The following TRPM1 variants were observed in gnomAD, a reference collection of about 807,000 sequenced individuals.
The protein encoded by TRPM1 is transient receptor potential cation channel subfamily M member 1.
A neutral mutation model predicts 149.4 loss-of-function variants in TRPM1; 113 were observed. That is an observed-to-expected ratio of 0.76 (90% CI 0.65 to 0.88). The LOEUF (loss-of-function observed/expected upper bound fraction) is 0.88. Among genes scored for constraint, TRPM1 ranks in the 40% least tolerant of loss-of-function variants. The pLI, the probability that TRPM1 is intolerant of heterozygous loss-of-function variation, is 0.00. For missense variants in TRPM1, 1,976 were observed against 2,038.7 expected, an observed-to-expected ratio of 0.97 and a Z score of 0.59; for synonymous variants, 741 against 759.5, an observed-to-expected ratio of 0.98 and a Z score of 0.40.
intron 1 of TRPM1, among the ~76,000 whole-genome samples, chr15:31,143,807 A>C (rs1005062670): frequency 6.6e-6 from 1 of 152,204 alleles, no homozygotes. Context: ...TTTGTAAACA[A>C]AAATTAGAAC....
Position 31,067,204 on chromosome 15 carries a change from G to T in TRPM1, c.494-17C>A, listed in dbSNP as rs2034402345. On this transcript the variant is annotated splice_polypyrimidine_tract_variant and intron_variant, in intron 5 of 27. Transcript: ENST00000256552. ...TGATAACACCTGTGAGCAGCCATTG[G>T]TCATATTTTAGGCTCTTTTACTTCC... 1 of 1,613,998 alleles carries T rather than the reference G, an allele frequency of 6.2e-7. No homozygotes were observed. The highest frequency in any genetic ancestry group is 8.5e-7 in the Non-Finnish European group (1 of 1,180,020).
intron 1 of TRPM1, among the ~76,000 whole-genome samples, chr15:31,154,385 T>C (rs1270215253): frequency 6.6e-6 from 1 of 152,104 alleles, no homozygotes; most frequent in Admixed American, 6.6e-5. Context: ...CAGAGGAGGT[T>C]TTCTGGGTCT....
chr15:31,039,981 A>G, intron 18 of TRPM1, 137 bp downstream of exon 18: 1 of 770,794 alleles, frequency 1.3e-6, no homozygotes, highest in Non-Finnish European at 2.2e-6. Context: ...CTATAAGACA[A>G]TGATTGTCAT....
chr15:31,074,000 T>C (rs2034626481), intron 3 of TRPM1, among the ~76,000 whole-genome samples: 2 of 152,246 alleles, frequency 1.3e-5, no homozygotes, highest in South Asian at 4.1e-4. Context: ...CTATATTACA[T>C]TATTTATTTT....
chr15:31,055,743 G>T (rs556452445), intron 11 of TRPM1, among the ~76,000 whole-genome samples: 22 of 152,266 alleles, frequency 1.4e-4, no homozygotes, highest in African/African-American at 5.3e-4. Context: ...GGAATTCCTG[G>T]GCAGTCCTCC....
At chr15:31,044,320 A>G (rs561383433) in intron 16 of TRPM1, among the ~76,000 whole-genome samples, 16 of 152,342 alleles carry the variant, frequency 1.1e-4, no homozygotes, top group Middle Eastern at 3.4e-3. Context: ...GAACAATGCA[A>G]TAACAGTAGG....
chr15:31,075,822 C>T (rs2034672583), intron 3 of TRPM1, among the ~76,000 whole-genome samples: 1 of 151,890 alleles, frequency 6.6e-6, no homozygotes, highest in Middle Eastern at 3.5e-3. Flanking sequence ...TATTCCTTTA[C>T]TTGCTGTTTG....
intron 1 of TRPM1, among the ~76,000 whole-genome samples, chr15:31,088,685 C>T (rs368222752): frequency 4.6e-5 from 7 of 152,144 alleles, no homozygotes; most frequent in Non-Finnish European, 8.8e-5. Flanking sequence ...TCATACTAAG[C>T]CTTTTTGGGA....
At chr15:31,150,488 G>A (rs564854579) in intron 1 of TRPM1, among the ~76,000 whole-genome samples, 7 of 140,818 alleles carry the variant, frequency 5.0e-5, no homozygotes, top group South Asian at 2.2e-4. Flanking sequence ...CCAGGCTGGC[G>A]TGCAGTAGTG....
chr15:31,015,212 G>A lies in TRPM1; in HGVS notation c.3629+10927C>T, dbSNP rs189727814. Among the ~76,000 whole-genome samples, 562 of 151,948 alleles carry A rather than the reference G, an allele frequency of 3.7e-3. 11 individuals are homozygous for A. Among genetic ancestry groups the A allele is most frequent in the Admixed American group, 0.032 (493 of 15,260 alleles). Reference sequence around the variant, plus strand: ...ACCTGAGGTCAGGAGTTCCAGACCAGTCTGAACAACGTGGCAAAACCCCAT... The same window carrying A: ...ACCTGAGGTCAGGAGTTCCAGACCAATCTGAACAACGTGGCAAAACCCCAT... On this transcript the variant is annotated intron_variant, in intron 27 of 27. Transcript: ENST00000256552.
intron 2 of TRPM1, among the ~76,000 whole-genome samples, chr15:31,078,386 G>A (rs190705472): frequency 6.6e-6 from 1 of 152,280 alleles, no homozygotes; most frequent in Non-Finnish European, 1.5e-5. Context: ...TGCGGACTAG[G>A]GCGTGCAAGT....
rs1175813409 is a variant in TRPM1, at chr15:31,047,876, A to G, written c.1623+13T>C. ...GATGCCAACAGGTAAGAATTGTAAA[A>G]CAGTAGACTGACCTTTTTCACATCC... On this transcript the variant is annotated intron_variant, in intron 14 of 27. Coordinates refer to ENST00000256552, the MANE Select transcript of TRPM1 (RefSeq NM_001252024.2). 1 of 1,609,500 alleles carries G rather than the reference A, an allele frequency of 6.2e-7. No individual in the cohort carries two copies. Among genetic ancestry groups the G allele is most frequent in the Non-Finnish European group, 8.5e-7 (1 of 1,175,824 alleles).
At chr15:31,058,927 CA>C (rs968229689) in intron 11 of TRPM1, among the ~76,000 whole-genome samples, 4 of 151,476 alleles carry the variant, frequency 2.6e-5, no homozygotes, top group African/African-American at 9.7e-5. Context: ...ACTAAAAATG[CA>C]AAAAAAATTT....
chr15:31,042,286 A>G lies in TRPM1; in HGVS notation c.1795-43T>C, dbSNP rs367985635. Reference sequence around the variant, plus strand: ...GATTTCATGGTTTTGCCATAAAAGTATGCAACAAAGAGTTCCAGAACTCCT... The same window carrying G: ...GATTTCATGGTTTTGCCATAAAAGTGTGCAACAAAGAGTTCCAGAACTCCT... On this transcript the variant is annotated intron_variant, in intron 16 of 27. Transcript: ENST00000256552. The G allele has an allele frequency of 2.5e-5, 39 of 1,546,770 alleles. No individual in the cohort carries two copies. In the African/African-American group the frequency reaches 4.7e-4, roughly 18 times the overall value.
Position 31,049,399 on chromosome 15 carries a change from C to T in TRPM1, c.1548G>A (p.Pro516=), listed in dbSNP as rs560504405. Residue 516 remains proline, a synonymous_variant, in exon 13 of 28, where the codon CCG becomes CCA. Coordinates refer to ENST00000256552, the MANE Select transcript of TRPM1 (RefSeq NM_001252024.2). ...CTGTGTTATAAAGCTCCTCCAGCCT[C>T]GGAATGGTCAGAAAGTGTTGCATGT... ...GVNMQHFLTI[P]RLEELYNTRL... 340 of 1,614,188 alleles carry T rather than the reference C, an allele frequency of 2.1e-4. 2 individuals carry two copies. The South Asian group carries it at 3.2e-3, about 15-fold the overall frequency.
chr15:31,065,391 C>T (rs1045869437), intron 7 of TRPM1, among the ~76,000 whole-genome samples: 1 of 152,184 alleles, frequency 6.6e-6, no homozygotes, highest in Non-Finnish European at 1.5e-5. Context: ...ACAAACTGCT[C>T]TTTCAGATCA....
chr15:31,067,356 T>C (rs1011298178), intron 5 of TRPM1, among the ~76,000 whole-genome samples, 169 bp from the exon 6 acceptor site: 2 of 152,200 alleles, frequency 1.3e-5, no homozygotes, highest in African/African-American at 2.4e-5. Flanking sequence ...GAGCTCATGA[T>C]AACGAGCAAT....
chr15:31,100,699 C>T (rs2035496001), intron 1 of TRPM1, among the ~76,000 whole-genome samples: 1 of 152,128 alleles, frequency 6.6e-6, no homozygotes, highest in Admixed American at 6.5e-5. Context: ...ATAGATTAGA[C>T]AGGTGCATGT....
chr15:31,086,238 C>T (rs999085957), intron 1 of TRPM1, among the ~76,000 whole-genome samples: 1 of 152,074 alleles, frequency 6.6e-6, no homozygotes, highest in South Asian at 2.1e-4. Flanking sequence ...GAGGAAGGGA[C>T]GGGAGGAGAG....
Sources: gnomAD v4.1 joint callset for allele counts (sites outside exome capture counted in the v4.1 genomes callset) on GRCh38, gnomAD v4.1.1 for gene constraint, MANE v1.5 for transcripts, NCBI Gene and HGNC (gene_info 2026-07-23, HGNC 2026-07-21) for gene names.